RABEPK: variants seen among roughly 807,000 people sequenced by gnomAD.
The protein encoded by RABEPK is Rab9 effector protein with kelch motifs.
RABEPK carries 27 observed loss-of-function variants against 34.1 expected under a neutral mutation model. That is an observed-to-expected ratio of 0.79 (90% confidence interval 0.58 to 1.09). The LOEUF is 1.09. RABEPK is among the 50% of genes least tolerant of loss of function. The pLI, the probability that RABEPK is intolerant of heterozygous loss-of-function variation, is 0.00. For synonymous variants in RABEPK, 172 were observed against 169.2 expected (o/e 1.02, Z -0.13); for missense variants, 449 against 462.6 (o/e 0.97, Z 0.27).
rs1829862871 is a variant in RABEPK, at chr9:125,200,846, G to T, written c.-67G>T. The T allele has an allele frequency of 2.1e-6, 1 of 471,230 alleles. No homozygotes were observed. Among genetic ancestry groups the T allele is most frequent in the Non-Finnish European group, 4.4e-6 (1 of 227,074 alleles). 29.2% of individuals were successfully genotyped at this position (471,230 alleles called of 1,614,324 possible). On this transcript the variant is annotated 5_prime_UTR_variant, in exon 1 of 8. Coordinates refer to ENST00000373538, the MANE Select transcript of RABEPK (RefSeq NM_005833.4). ...GGCTGCTGCGGGAGGTCCCGCCCACGTGAAGCCAGCCTAACTGAGCTCTGG... is the reference window on the plus strand; with the variant it reads ...GGCTGCTGCGGGAGGTCCCGCCCACTTGAAGCCAGCCTAACTGAGCTCTGG...
chr9:125,224,888 C>T (rs1479397862), intron 5 of RABEPK, among the ~76,000 whole-genome samples: 1 of 152,146 alleles, frequency 6.6e-6, no homozygotes, highest in Non-Finnish European at 1.5e-5. Flanking sequence ...TTATCCTATA[C>T]TGCCACATCA....
intron 4 of RABEPK, among the ~76,000 whole-genome samples, chr9:125,217,702 A>G: frequency 6.6e-6 from 1 of 152,288 alleles, no homozygotes; most frequent in Middle Eastern, 3.4e-3. Flanking sequence ...TCAAATGCTC[A>G]GGACTCCTTT....
At chr9:125,205,780 G>A (rs879546258) in intron 2 of RABEPK, among the ~76,000 whole-genome samples, 5 of 152,158 alleles carry the variant, frequency 3.3e-5, no homozygotes, top group Non-Finnish European at 5.9e-5. Flanking sequence ...GAGCCACTGC[G>A]CCCGGCCCTC....
intron 4 of RABEPK, among the ~76,000 whole-genome samples, chr9:125,219,006 A>C (rs150735542): frequency 0.029 from 4,449 of 152,116 alleles, 99 homozygotes; most frequent in Non-Finnish European, 0.047. Context: ...TGTTGGGATT[A>C]CAGGCATGAG....
chr9:125,203,919 C>T (rs1217674974), intron 2 of RABEPK, among the ~76,000 whole-genome samples: 1 of 150,810 alleles, frequency 6.6e-6, no homozygotes, highest in African/African-American at 2.4e-5. Flanking sequence ...GTAGTCCCAG[C>T]TACTAGGGAG....
intron 1 of RABEPK, among the ~76,000 whole-genome samples, chr9:125,202,781 G>C (rs1829989158): frequency 6.6e-6 from 1 of 152,066 alleles, no homozygotes; most frequent in Admixed American, 6.6e-5. Flanking sequence ...CATGAGCTGA[G>C]ATCTTGCCAT....
chr9:125,220,036 T>TC (rs1053654389), intron 4 of RABEPK, among the ~76,000 whole-genome samples: 1 of 152,096 alleles, frequency 6.6e-6, no homozygotes, highest in African/African-American at 2.4e-5. Context: ...CCTTGCTCTG[T>TC]CACCCAGGCT....
At position 125,218,010 on chromosome 9, in the gene RABEPK, C is replaced by T. The variant is rs71495547; in HGVS notation, c.365-2529C>T. Among the ~76,000 whole-genome samples, 5 of 149,164 alleles carry T rather than the reference C, an allele frequency of 3.4e-5. No homozygotes were observed. The East Asian group carries it at 9.7e-4, about 29-fold the overall frequency. On this transcript the variant is annotated intron_variant, in intron 4 of 7. Transcript: ENST00000373538. The stretch of plus-strand genomic sequence containing the variant: ...GTGTTATGGTAGAGCAAGTGTGGGA[C>T]TCTGATAGAACTGAGTTCAGGCCCG...
chr9:125,232,813 C>A (rs990718120), intron 7 of RABEPK, 68 bp downstream of exon 7: 9 of 1,508,044 alleles, frequency 6.0e-6, no homozygotes, highest in Non-Finnish European at 8.1e-6. Context: ...TGCGGTGGCT[C>A]ACGCCTGTAA....
At chr9:125,228,863 T>C (rs947126754) in intron 6 of RABEPK, among the ~76,000 whole-genome samples, 9 of 151,400 alleles carry the variant, frequency 5.9e-5, no homozygotes, top group African/African-American at 2.2e-4. Context: ...CTTGGGAGGC[T>C]GAGGCAGGAG....
At chr9:125,215,068 G>T (rs1308913374) in intron 4 of RABEPK, among the ~76,000 whole-genome samples, 2 of 151,980 alleles carry the variant, frequency 1.3e-5, no homozygotes, top group Non-Finnish European at 2.9e-5. Context: ...GGGATTACAG[G>T]CATCAGCCAA....
At chr9:125,209,334 T>C (rs1830442894) in intron 3 of RABEPK, among the ~76,000 whole-genome samples, 1 of 151,308 alleles carries the variant, frequency 6.6e-6, no homozygotes, top group Non-Finnish European at 1.5e-5. Context: ...GCTGGGATTA[T>C]GCATGTGAGT....
intron 5 of RABEPK, 46 bp downstream of exon 5, chr9:125,220,746 T>G: frequency 6.3e-7 from 1 of 1,576,236 alleles, no homozygotes; most frequent in Non-Finnish European, 8.6e-7. Flanking sequence ...CCATCCCAGT[T>G]TACACATTAC....
At chr9:125,211,606 G>A (rs188032953) in intron 3 of RABEPK, among the ~76,000 whole-genome samples, 1 of 152,230 alleles carries the variant, frequency 6.6e-6, no homozygotes, top group East Asian at 1.9e-4. Context: ...CCTATCAAGA[G>A]GGCTCTTATT....
rs1457550469 is a variant in RABEPK, at chr9:125,207,579, C to T, written c.69C>T (p.Val23=). The change falls in exon 3 of 8, where the codon GTC becomes GTT. Residue 23 remains valine (V), a synonymous_variant. Transcript: ENST00000373538. ...PRKATWYTLT[V]PGDSPCARVG... ...CCTTTGGCAGGTACACCTTGACTGTCCCTGGAGACAGCCCCTGTGCTCGAG... is the reference window on the plus strand; with the variant it reads ...CCTTTGGCAGGTACACCTTGACTGTTCCTGGAGACAGCCCCTGTGCTCGAG... The T allele has an allele frequency of 1.9e-6, 3 of 1,613,974 alleles. No homozygotes were observed. The highest frequency in any genetic ancestry group is 2.5e-6 in the Non-Finnish European group (3 of 1,179,848).
At chr9:125,210,403 C>CAAA in intron 3 of RABEPK, among the ~76,000 whole-genome samples, 2 of 67,860 alleles carry the variant, frequency 2.9e-5, no homozygotes, top group Non-Finnish European at 5.5e-5. Flanking sequence ...GTCTCCGTCT[C>CAAA]AAAAAAAAAA....
chr9:125,231,874 C>A (rs1364494587), intron 6 of RABEPK, among the ~76,000 whole-genome samples: 1 of 146,926 alleles, frequency 6.8e-6, no homozygotes, highest in Admixed American at 6.9e-5. Context: ...CCAGCACTTA[C>A]AAAATCGCTA....
chr9:125,232,766 G>T (rs766738147), intron 7 of RABEPK, 21 bp downstream of exon 7: 5 of 1,600,904 alleles, frequency 3.1e-6, no homozygotes, highest in African/African-American at 2.7e-5. Flanking sequence ...GTCCATGGGG[G>T]ATCTTTAAAC....
chr9:125,214,912 T>A (rs1164373460), intron 4 of RABEPK, among the ~76,000 whole-genome samples: 1 of 151,218 alleles, frequency 6.6e-6, no homozygotes, highest in East Asian at 2.0e-4. Flanking sequence ...TGCCTCAGCC[T>A]CCCAAGTAGC....
Sources: allele counts gnomAD v4.1 joint callset (sites outside exome capture counted in the v4.1 genomes callset), GRCh38; gene constraint gnomAD v4.1.1; transcripts MANE v1.5; gene names NCBI Gene and HGNC (gene_info 2026-07-23, HGNC 2026-07-21).